CTNND2: variants seen among roughly 807,000 people sequenced by gnomAD.
The protein encoded by CTNND2 is catenin delta-2.
Under a neutral mutation model 144.4 loss-of-function variants are expected in CTNND2, and 22 were observed. The ratio of observed to expected loss-of-function variants is 0.15; its 90% confidence interval spans 0.11 to 0.22. CTNND2 has a LOEUF of 0.22. Among genes scored for constraint, CTNND2 ranks in the 10% least tolerant of loss-of-function variants. The probability of loss-of-function intolerance (pLI) is 1.00; values close to 1 mark genes in which losing one functional copy is unlikely to be tolerated. For missense variants in CTNND2, 1,353 were observed against 1,618.8 expected (o/e 0.84, Z 2.82); for synonymous variants, 751 against 695.6 (o/e 1.08, Z -1.25).
chr5:11,479,541 T>C (rs1768055876), intron 3 of CTNND2, among the ~76,000 whole-genome samples: 1 of 152,220 alleles, frequency 6.6e-6, no homozygotes, highest in Non-Finnish European at 1.5e-5. Context: ...CGTCCAATGG[T>C]AGTTCTATTT....
chr5:11,684,155 G>A (rs1351985953), intron 2 of CTNND2, among the ~76,000 whole-genome samples: 1 of 151,138 alleles, frequency 6.6e-6, no homozygotes, highest in African/African-American at 2.4e-5. Context: ...AGGCTGGAAT[G>A]CAGTGGCACA....
chr5:11,552,956 TATG>T (rs1775894224), intron 3 of CTNND2, among the ~76,000 whole-genome samples: 1 of 152,208 alleles, frequency 6.6e-6, no homozygotes, highest in Non-Finnish European at 1.5e-5. Context: ...ACAGAGTGGA[TATG>T]ATGGAGACAC....
At chr5:11,185,163 C>T (rs1735499688) in intron 11 of CTNND2, among the ~76,000 whole-genome samples, 1 of 152,200 alleles carries the variant, frequency 6.6e-6, no homozygotes, top group Non-Finnish European at 1.5e-5. Flanking sequence ...TCTTTAAAAC[C>T]CATTTCAAAT....
intron 16 of CTNND2, among the ~76,000 whole-genome samples, chr5:11,078,503 T>A (rs1165762831): frequency 6.6e-6 from 1 of 152,160 alleles, no homozygotes; most frequent in Admixed American, 6.5e-5. Context: ...AGTATAGTGG[T>A]CTAAATATTC....
At chr5:11,026,667 T>G (rs983383749) in intron 16 of CTNND2, among the ~76,000 whole-genome samples, 2 of 152,074 alleles carry the variant, frequency 1.3e-5, no homozygotes, top group African/African-American at 4.8e-5. Flanking sequence ...GACTCTACCT[T>G]CTAGATTTAA....
At chr5:11,430,274 G>GTT (rs144519157) in intron 3 of CTNND2, among the ~76,000 whole-genome samples, 1 of 131,066 alleles carries the variant, frequency 7.6e-6, no homozygotes, top group African/African-American at 3.1e-5. Flanking sequence ...AAAAAAAGGA[G>GTT]TTTTTTTTTT....
At chr5:11,399,017 G>A (rs535909644) in intron 5 of CTNND2, among the ~76,000 whole-genome samples, 1 of 152,342 alleles carries the variant, frequency 6.6e-6, no homozygotes, top group South Asian at 2.1e-4. Context: ...GGTGGGCACT[G>A]GGAAGACAGT....
intron 10 of CTNND2, among the ~76,000 whole-genome samples, chr5:11,230,052 T>C (rs879182894): frequency 6.6e-6 from 1 of 151,728 alleles, no homozygotes; most frequent in Non-Finnish European, 1.5e-5. Flanking sequence ...AAGGATTCAT[T>C]AAAAATCCGC....
At chr5:11,462,417 A>G (rs998189656) in intron 3 of CTNND2, among the ~76,000 whole-genome samples, 1 of 152,032 alleles carries the variant, frequency 6.6e-6, no homozygotes, top group Non-Finnish European at 1.5e-5. Context: ...CCTCAACTTG[A>G]GCCCTGGCCT....
At chr5:11,194,659 T>C (rs1199440802) in intron 11 of CTNND2, among the ~76,000 whole-genome samples, 1 of 151,972 alleles carries the variant, frequency 6.6e-6, no homozygotes, top group Non-Finnish European at 1.5e-5. Context: ...CACCACAGAT[T>C]TGAAGTAAGC....
intron 3 of CTNND2, among the ~76,000 whole-genome samples, chr5:11,505,088 G>C (rs572899764): frequency 2.0e-5 from 3 of 151,930 alleles, no homozygotes; most frequent in Non-Finnish European, 4.4e-5. Flanking sequence ...AAATATTTCT[G>C]TTAAAAGAGT....
chr5:11,621,068 A>G (rs1408689072), intron 2 of CTNND2, among the ~76,000 whole-genome samples: 1 of 152,186 alleles, frequency 6.6e-6, no homozygotes, highest in African/African-American at 2.4e-5. Flanking sequence ...AGAACGGTGT[A>G]TATGTGAGTG....
chr5:11,231,198 G>A (rs1416360681), intron 10 of CTNND2, among the ~76,000 whole-genome samples: 5 of 152,130 alleles, frequency 3.3e-5, no homozygotes, highest in African/African-American at 9.7e-5. Flanking sequence ...GGCATCTCCA[G>A]TCCTGTGAGT....
intron 2 of CTNND2, among the ~76,000 whole-genome samples, chr5:11,594,382 AG>A (rs1779406011): frequency 6.6e-6 from 1 of 152,200 alleles, no homozygotes; most frequent in Non-Finnish European, 1.5e-5. Context: ...ACTTTTGAAA[AG>A]GTTCTAAATT....
intron 7 of CTNND2, among the ~76,000 whole-genome samples, chr5:11,377,506 A>G (rs773467913): frequency 6.6e-6 from 1 of 152,094 alleles, no homozygotes; most frequent in Non-Finnish European, 1.5e-5. Context: ...TTTAGGGCAC[A>G]TTTTCTCAGC....
At chr5:11,182,180 GGTGTGTGTGGGGTAT>G (rs1390381855) in intron 11 of CTNND2, among the ~76,000 whole-genome samples, 5 of 146,624 alleles carry the variant, frequency 3.4e-5, no homozygotes, top group African/African-American at 1.0e-4. Flanking sequence ...GTGGGCGTGT[GGTGTGTGTGGGGTAT>G]GTGTGTGTGG....
intron 16 of CTNND2, among the ~76,000 whole-genome samples, chr5:11,068,036 A>C (rs1747805784): frequency 6.6e-6 from 1 of 152,204 alleles, no homozygotes; most frequent in African/African-American, 2.4e-5. Flanking sequence ...AAATAATATA[A>C]AGTTTGGATC....
chr5:11,263,421 A>G (rs1267292034), intron 9 of CTNND2, among the ~76,000 whole-genome samples: 1 of 152,212 alleles, frequency 6.6e-6, no homozygotes, highest in Admixed American at 6.5e-5. Flanking sequence ...ACTTAATAAC[A>G]TGCAAAAATG....
At chr5:11,681,818 C>A (rs1002939334) in intron 2 of CTNND2, among the ~76,000 whole-genome samples, 1 of 152,184 alleles carries the variant, frequency 6.6e-6, no homozygotes, top group South Asian at 2.1e-4. Context: ...TTACTAATTA[C>A]CTGCTTTGAA....
Sources: allele counts gnomAD v4.1 joint callset (sites outside exome capture counted in the v4.1 genomes callset), GRCh38; gene constraint gnomAD v4.1.1; transcripts MANE v1.5; gene names NCBI Gene and HGNC (gene_info 2026-07-23, HGNC 2026-07-21).